MAP2K5: variants seen among roughly 807,000 people sequenced by gnomAD.
The protein encoded by MAP2K5 is mitogen-activated protein kinase kinase 5.
Under a neutral mutation model 83.1 loss-of-function variants are expected in MAP2K5, and 49 were observed. The ratio of observed to expected loss-of-function variants is 0.59; its 90% CI spans 0.47 to 0.75. The LOEUF is 0.75. Ranked by LOEUF, MAP2K5 falls within the 30% of genes least tolerant of loss-of-function variation. The pLI is 0.00. For missense variants in MAP2K5, 457 were observed against 557.5 expected (o/e 0.82, Z 1.82); for synonymous variants, 202 against 191.8 (o/e 1.05, Z -0.44).
At chr15:67,740,403 A>G (rs934134017) in intron 17 of MAP2K5, among the ~76,000 whole-genome samples, 1 of 152,144 alleles carries the variant, frequency 6.6e-6, no homozygotes, top group African/African-American at 2.4e-5. Context: ...TCCAGCCAGC[A>G]TGAATACCTG....
intron 5 of MAP2K5, among the ~76,000 whole-genome samples, 184 bp downstream of exon 5, chr15:67,586,114 A>T (rs549257216): frequency 6.6e-6 from 1 of 152,128 alleles, no homozygotes; most frequent in Non-Finnish European, 1.5e-5. Context: ...ATATATTTGC[A>T]TACTGGGGGT....
rs556665882 is a variant in MAP2K5, at chr15:67,697,692, C to A, written c.972+4124C>A. Among the ~76,000 whole-genome samples the A allele has an allele frequency of 3.3e-5, 5 of 152,276 alleles. No individual in the cohort carries two copies. The South Asian group carries it at 1.0e-3, about 32-fold the overall frequency. ...GCATTTAACTTTTCGTATTAAGAAT[C>A]TTGCTTGTGTTTCAAGGTATAGACA... On this transcript the variant is annotated intron_variant, in intron 15 of 21. Transcript: ENST00000178640.
chr15:67,656,533 C>G (rs1217255900), intron 11 of MAP2K5, among the ~76,000 whole-genome samples: 3 of 151,948 alleles, frequency 2.0e-5, no homozygotes, highest in African/African-American at 7.2e-5. Flanking sequence ...TTTGCCGTGT[C>G]TCCTAGGCTG....
intron 13 of MAP2K5, among the ~76,000 whole-genome samples, chr15:67,683,300 A>G (rs77392032): frequency 0.023 from 3,502 of 152,352 alleles, 76 homozygotes; most frequent in Middle Eastern, 0.054. Flanking sequence ...CCTTAACCCA[A>G]GATTTAAAGG....
At chr15:67,548,289 T>C (rs1472175524) in intron 1 of MAP2K5, among the ~76,000 whole-genome samples, 1 of 152,194 alleles carries the variant, frequency 6.6e-6, no homozygotes, top group African/African-American at 2.4e-5. Flanking sequence ...GCAGTTGTTT[T>C]CCCCTCGTTT....
chr15:67,787,245 T>C (rs143715763), intron 21 of MAP2K5, among the ~76,000 whole-genome samples: 86 of 152,354 alleles, frequency 5.6e-4, no homozygotes, highest in Non-Finnish European at 8.7e-4. Context: ...TTCTCAAATT[T>C]TGCGAAGGTC....
chr15:67,572,700 ATTATTAT>A lies in MAP2K5; in HGVS notation c.253-8051_253-8045del, dbSNP rs2084972626. Among the ~76,000 whole-genome samples, 2 of 126,572 alleles carry A rather than the reference ATTATTAT, an allele frequency of 1.6e-5. No homozygotes were observed. Among genetic ancestry groups the A allele is most frequent in the African/African-American group, 5.3e-5 (2 of 38,022 alleles). The allele number at this position is 126,572 out of a possible 152,430, so 83.0% of individuals were successfully genotyped here. A position where few individuals can be genotyped will look rare whatever the true frequency, so the allele number is the denominator to read the frequency against. ...ATATTTTGCAAGAATTGATATTATT[ATTATTAT>A]TTTTTTTTTTGAGATGGAGTCTTGC... On this transcript the variant is annotated intron_variant, in intron 3 of 21. Transcript: ENST00000178640. The surrounding 1 kb of genome is among the most constrained non-coding windows in gnomAD (Gnocchi z 4.2).
At chr15:67,741,782 A>G (rs941303592) in intron 17 of MAP2K5, among the ~76,000 whole-genome samples, 1 of 152,216 alleles carries the variant, frequency 6.6e-6, no homozygotes, top group African/African-American at 2.4e-5. Flanking sequence ...TTGTGGAGAC[A>G]TGACTGCTAT....
chr15:67,563,146 C>T lies in MAP2K5; in HGVS notation c.185-137C>T, dbSNP rs1057197302. The T allele has an allele frequency of 3.3e-6, 3 of 905,352 alleles. No homozygotes were observed. In the African/African-American group the frequency reaches 5.1e-5, roughly 15 times the overall value. The allele number at this position is 905,352 out of a possible 1,614,324, so 56.1% of individuals were successfully genotyped here. ...TCCAAATGGAAAACAAAACAACAAA[C>T]TAATAATGTCAACATACCCCCAAAA... is the stretch of plus-strand genomic sequence containing the variant. On this transcript the variant is annotated intron_variant, in intron 2 of 21. Coordinates refer to ENST00000178640, the MANE Select transcript of MAP2K5 (RefSeq NM_145160.3). This position sits in a 1 kb window ranked among gnomAD's most constrained non-coding sequence, Gnocchi z 4.5.
chr15:67,762,565 C>CAAA (rs5813455), intron 19 of MAP2K5, among the ~76,000 whole-genome samples: 4 of 119,886 alleles, frequency 3.3e-5, no homozygotes, highest in Non-Finnish European at 6.9e-5. Flanking sequence ...AAATGACAGA[C>CAAA]AAAAAAAAAA....
At chr15:67,586,729 C>A in intron 5 of MAP2K5, 117 bp from the exon 6 acceptor site, 1 of 907,726 alleles carries the variant, frequency 1.1e-6, no homozygotes, top group South Asian at 1.3e-5. Flanking sequence ...GTGGGTTTGT[C>A]TAGCAACAAG....
intron 2 of MAP2K5, among the ~76,000 whole-genome samples, chr15:67,556,492 T>C (rs553286580): frequency 1.1e-4 from 17 of 152,210 alleles, no homozygotes; most frequent in African/African-American, 3.9e-4. Context: ...TGGGTTTTTA[T>C]AAAAAGCATG....
At chr15:67,546,710 C>T in intron 1 of MAP2K5, 10 of 574,042 alleles carry the variant, frequency 1.7e-5, no homozygotes, top group Non-Finnish European at 2.2e-5. Context: ...AGAGAATGCC[C>T]AACCCTCTCC....
Position 67,760,026 on chromosome 15 carries a change from T to C in MAP2K5, c.1135-9576T>C, listed in dbSNP as rs933058138. Among the ~76,000 whole-genome samples, 2 of 152,266 alleles carry C rather than the reference T, an allele frequency of 1.3e-5. No individual in the cohort carries two copies. Among genetic ancestry groups the C allele is most frequent in the African/African-American group, 4.8e-5 (2 of 41,478 alleles). On this transcript the variant is annotated intron_variant, in intron 19 of 21. Coordinates refer to ENST00000178640, the MANE Select transcript of MAP2K5 (RefSeq NM_145160.3). This position sits in a 1 kb window ranked among gnomAD's most constrained non-coding sequence, Gnocchi z 4.1. ...CCTGAAAACTGATATTCCTCTTTTA[T>C]GTAAGGCAATCTTTAGAAATCTAAT...
At chr15:67,595,898 A>G (rs1298937017) in intron 7 of MAP2K5, among the ~76,000 whole-genome samples, 2 of 152,164 alleles carry the variant, frequency 1.3e-5, no homozygotes, top group Non-Finnish European at 2.9e-5. Flanking sequence ...CCAAAGTGTC[A>G]ATTTGAAGAA....
intron 16 of MAP2K5, among the ~76,000 whole-genome samples, chr15:67,725,118 A>G (rs976907340): frequency 5.3e-5 from 8 of 152,326 alleles, no homozygotes; most frequent in African/African-American, 1.9e-4. Context: ...AAGCACTGGC[A>G]CCTGTTCCCA....
chr15:67,766,448 T>C (rs182378860), intron 19 of MAP2K5, among the ~76,000 whole-genome samples: 63 of 152,350 alleles, frequency 4.1e-4, no homozygotes, highest in Non-Finnish European at 7.3e-4. Context: ...AGCCCACATT[T>C]ATATTTTTGA....
chr15:67,729,573 A>G (rs552438419), intron 17 of MAP2K5, among the ~76,000 whole-genome samples: 1 of 152,132 alleles, frequency 6.6e-6, no homozygotes, highest in East Asian at 1.9e-4. Flanking sequence ...GATTGAGACC[A>G]TCCTGGCTAA....
chr15:67,586,935 G>A, intron 6 of MAP2K5, 22 bp downstream of exon 6: 2 of 1,613,566 alleles, frequency 1.2e-6, no homozygotes, highest in Non-Finnish European at 1.7e-6. Flanking sequence ...CAAGTAAAGT[G>A]TGCCCTTGAT....
Sources: gnomAD v4.1 joint callset for allele counts (sites outside exome capture counted in the v4.1 genomes callset) on GRCh38, gnomAD v4.1.1 for gene constraint, Gnocchi (gnomAD v3.1) non-coding constraint, MANE v1.5 for transcripts, NCBI Gene and HGNC (gene_info 2026-07-23, HGNC 2026-07-21) for gene names.